The following SLIT2 variants were observed in gnomAD, a reference collection of about 807,000 sequenced individuals.
SLIT2 encodes slit homolog 2 protein.
Under a neutral mutation model 185.7 loss-of-function variants are expected in SLIT2, and 41 were observed. The observed-to-expected ratio is 0.22, with a 90% CI of 0.17 to 0.29. The LOEUF (loss-of-function observed/expected upper bound fraction) is 0.29. SLIT2 is among the 10% of genes least tolerant of loss of function. SLIT2 has a pLI of 1.00. For synonymous variants in SLIT2, 693 were observed against 680.2 expected (o/e 1.02, Z -0.29); for missense variants, 1,571 against 1,909.0 (o/e 0.82, Z 3.30).
intron 4 of SLIT2, among the ~76,000 whole-genome samples, chr4:20,348,399 T>C (rs1721603405): frequency 2.6e-5 from 2 of 77,182 alleles, no homozygotes; most frequent in Admixed American, 2.5e-4. Flanking sequence ...CCACCATGCC[T>C]GGCTATTTTT....
intron 4 of SLIT2, among the ~76,000 whole-genome samples, chr4:20,340,405 A>G (rs371508829): frequency 7.2e-5 from 11 of 152,308 alleles, no homozygotes; most frequent in African/African-American, 2.6e-4. Flanking sequence ...TATGTATTAT[A>G]ATCCTTTTAA....
Position 20,253,979 on chromosome 4 carries a change from G to A in SLIT2, c.164G>A (p.Arg55His), listed in dbSNP as rs1381268895. 4 of 1,601,990 alleles carry A rather than the reference G, an allele frequency of 2.5e-6. No homozygotes were observed. Among genetic ancestry groups the A allele is most frequent in the South Asian group, 1.1e-5 (1 of 90,984 alleles). Reference protein sequence around the residue: ...ALRSVPRNIPRNTERLDLNGN... With the variant: ...ALRSVPRNIPHNTERLDLNGN... ...CGCAGCGTGCCCAGGAATATCCCCCGCAACACCGAGAGACTGTGAGTATGC... is the reference window on the plus strand; with the variant it reads ...CGCAGCGTGCCCAGGAATATCCCCCACAACACCGAGAGACTGTGAGTATGC... The change falls in exon 1 of 37, where the codon CGC (arginine) becomes CAC (histidine). Residue 55 changes from arginine to histidine, a missense_variant. Coordinates refer to ENST00000504154, the MANE Select transcript of SLIT2 (RefSeq NM_004787.4).
intron 3 of SLIT2, among the ~76,000 whole-genome samples, chr4:20,260,834 G>T (rs895058292): frequency 6.6e-5 from 10 of 151,682 alleles, no homozygotes; most frequent in African/African-American, 2.2e-4. Context: ...AAACTGTCAA[G>T]GAGTTAATAG....
chr4:20,338,860 A>G (rs1389814322), intron 4 of SLIT2, among the ~76,000 whole-genome samples: 1 of 152,100 alleles, frequency 6.6e-6, no homozygotes, highest in African/African-American at 2.4e-5. Flanking sequence ...AGGCCCAGGC[A>G]GGAGGATCGC....
chr4:20,440,981 C>G (rs934318115), intron 4 of SLIT2, among the ~76,000 whole-genome samples: 10 of 151,982 alleles, frequency 6.6e-5, no homozygotes, highest in African/African-American at 2.2e-4. Context: ...ATAACCCCAA[C>G]TTCACTGAAT....
chr4:20,516,368 A>G (rs1005201772), intron 11 of SLIT2, among the ~76,000 whole-genome samples: 4 of 152,230 alleles, frequency 2.6e-5, no homozygotes, highest in Admixed American at 2.0e-4. Flanking sequence ...TGTATATACT[A>G]TCTATGTGGT....
At chr4:20,344,373 T>A (rs950353765) in intron 4 of SLIT2, among the ~76,000 whole-genome samples, 1 of 152,104 alleles carries the variant, frequency 6.6e-6, no homozygotes, top group East Asian at 1.9e-4. Flanking sequence ...CTTGGAGAAA[T>A]TTTTTTAGGT....
At chr4:20,391,877 A>G (rs1330234860) in intron 4 of SLIT2, among the ~76,000 whole-genome samples, 1 of 152,088 alleles carries the variant, frequency 6.6e-6, no homozygotes, top group Non-Finnish European at 1.5e-5. Context: ...GATATCATTG[A>G]TAGTACTAGT....
intron 16 of SLIT2, 75 bp downstream of exon 16, chr4:20,529,174 T>TGCCA (rs1721565502): frequency 8.6e-7 from 1 of 1,165,770 alleles, no homozygotes; most frequent in Admixed American, 2.4e-5. Context: ...ATGTTTGTCT[T>TGCCA]GCCATTTTTA....
intron 9 of SLIT2, among the ~76,000 whole-genome samples, chr4:20,504,616 C>A (rs1328968413): frequency 6.6e-5 from 10 of 152,038 alleles, no homozygotes; most frequent in Admixed American, 6.6e-4. Flanking sequence ...GAGTTATCTG[C>A]AAAACTGTAC....
At chr4:20,364,229 A>G in intron 4 of SLIT2, 1 of 980,518 alleles carries the variant, frequency 1.0e-6, no homozygotes, top group Non-Finnish European at 1.2e-6. Context: ...TGGAAATGGA[A>G]TAATGCATCC....
At chr4:20,608,103 G>A (rs990172785) in intron 33 of SLIT2, among the ~76,000 whole-genome samples, 1 of 151,992 alleles carries the variant, frequency 6.6e-6, no homozygotes, top group Admixed American at 6.6e-5. Context: ...TGGTTGGGTG[G>A]GGGACCGATA....
intron 4 of SLIT2, among the ~76,000 whole-genome samples, chr4:20,334,048 A>C (rs1720287755): frequency 6.6e-6 from 1 of 152,084 alleles, no homozygotes. Context: ...TGAATGAGAG[A>C]ATTCAGTAAT....
Position 20,554,218 on chromosome 4 carries a change from G to A in SLIT2, c.2725+250G>A, listed in dbSNP as rs1220203224. 5.3e-6 allele frequency: 3 copies of A among 570,496 alleles called. No individual in the cohort carries two copies. The Admixed American group carries it at 7.6e-5, about 14-fold the overall frequency. The allele number at this position is 570,496 out of a possible 1,614,324, so 35.3% of individuals were successfully genotyped here. A position where few individuals can be genotyped will look rare whatever the true frequency, so the allele number is the denominator to read the frequency against. On this transcript the variant is annotated intron_variant, in intron 26 of 36. Coordinates refer to ENST00000504154, the MANE Select transcript of SLIT2 (RefSeq NM_004787.4). ...TCTTGAAAGTGTATCAAAAAACGTA[G>A]AGTTCACAATTTCTGGAAATTCCTT...
intron 18 of SLIT2, among the ~76,000 whole-genome samples, chr4:20,535,826 A>G (rs1414170119): frequency 3.3e-5 from 5 of 151,710 alleles, no homozygotes; most frequent in African/African-American, 4.8e-5. Flanking sequence ...ATCTCACTCA[A>G]CCTCAATCAC....
intron 29 of SLIT2, among the ~76,000 whole-genome samples, chr4:20,574,117 G>C (rs1006344151): frequency 3.3e-5 from 5 of 151,660 alleles, no homozygotes; most frequent in African/African-American, 1.2e-4. Flanking sequence ...GCCATGCTTG[G>C]CTAATTTTTT....
At chr4:20,405,794 ATTAAT>A (rs1377316371) in intron 4 of SLIT2, among the ~76,000 whole-genome samples, 6 of 151,992 alleles carry the variant, frequency 3.9e-5, no homozygotes, top group African/African-American at 1.4e-4. Flanking sequence ...GTATTTTTAA[ATTAAT>A]TTAATTTAAA....
At chr4:20,480,838 C>G (rs16869654) in intron 6 of SLIT2, 51 bp downstream of exon 6, 297,914 of 1,337,044 alleles carry the variant, frequency 0.22, 34,901 homozygotes, top group Non-Finnish European at 0.24. Flanking sequence ...TGTGTCTGGA[C>G]AGGACTAATG....
chr4:20,301,767 C>T (rs1255104976), intron 4 of SLIT2, among the ~76,000 whole-genome samples: 2 of 152,162 alleles, frequency 1.3e-5, no homozygotes, highest in Non-Finnish European at 2.9e-5. Flanking sequence ...ATAATCCTCT[C>T]TCTCCTGAGA....
Sources: gnomAD v4.1 joint callset for allele counts (sites outside exome capture counted in the v4.1 genomes callset) on GRCh38, gnomAD v4.1.1 for gene constraint, MANE v1.5 for transcripts, NCBI Gene and HGNC (gene_info 2026-07-23, HGNC 2026-07-21) for gene names.